Variants in PTPRK observed in about 807,000 individuals in gnomAD.
PTPRK encodes protein tyrosine phosphatase receptor type K, also known as receptor-type tyrosine-protein phosphatase kappa.
In PTPRK, 75 loss-of-function variants were observed where a neutral mutation model predicts 178.0. That is an observed-to-expected ratio of 0.42 (90% CI 0.35 to 0.51). The LOEUF (loss-of-function observed/expected upper bound fraction) is 0.51. PTPRK is among the 20% of genes least tolerant of loss of function. The pLI, the probability that PTPRK is intolerant of heterozygous loss-of-function variation, is 0.02. For synonymous variants in PTPRK, 637 were observed against 620.6 expected (o/e 1.03, Z -0.39); for missense variants, 1,441 against 1,797.8 (o/e 0.80, Z 3.59).
chr6:127,978,174 A>G (rs1774833338), intron 25 of PTPRK, among the ~76,000 whole-genome samples: 1 of 152,214 alleles, frequency 6.6e-6, no homozygotes, highest in South Asian at 2.1e-4. Flanking sequence ...ACCAAGTTAC[A>G]CGTGCAGCTG....
At chr6:128,481,948 G>T (rs1026102920) in intron 1 of PTPRK, among the ~76,000 whole-genome samples, 1 of 152,006 alleles carries the variant, frequency 6.6e-6, no homozygotes, top group Admixed American at 6.6e-5. Flanking sequence ...TTTGGCTACC[G>T]TACATTTTCT....
intron 7 of PTPRK, among the ~76,000 whole-genome samples, chr6:128,151,768 G>A (rs565229330): frequency 4.5e-4 from 69 of 152,138 alleles, no homozygotes; most frequent in Non-Finnish European, 8.5e-4. Flanking sequence ...TTTGAATGGA[G>A]TGATCAAGGA....
chr6:128,048,432 C>T (rs1778441297), intron 13 of PTPRK, among the ~76,000 whole-genome samples: 1 of 152,098 alleles, frequency 6.6e-6, no homozygotes, highest in South Asian at 2.1e-4. Context: ...GCATATGTTC[C>T]CTCTGCCTCT....
chr6:128,423,755 G>C (rs947673814), intron 1 of PTPRK, among the ~76,000 whole-genome samples: 2 of 152,068 alleles, frequency 1.3e-5, no homozygotes, highest in Non-Finnish European at 2.9e-5. Flanking sequence ...TTGAACATAG[G>C]AGGCAGAGGC....
At chr6:128,405,158 T>A (rs888889447) in intron 1 of PTPRK, among the ~76,000 whole-genome samples, 8 of 152,196 alleles carry the variant, frequency 5.3e-5, no homozygotes, top group Non-Finnish European at 8.8e-5. Context: ...TTAACTAAAA[T>A]TTCTACAAAT....
intron 7 of PTPRK, among the ~76,000 whole-genome samples, chr6:128,096,920 C>G (rs1582990358): frequency 6.6e-6 from 1 of 152,124 alleles, no homozygotes. Flanking sequence ...GGAAGGAAAA[C>G]TTAAGGTCTT....
At chr6:128,294,233 T>G in intron 3 of PTPRK, among the ~76,000 whole-genome samples, 1 of 152,128 alleles carries the variant, frequency 6.6e-6, no homozygotes, top group East Asian at 1.9e-4. Flanking sequence ...GTGCCTTCTA[T>G]GAGCAGATTA....
At chr6:128,355,188 A>C (rs1414167526) in intron 2 of PTPRK, among the ~76,000 whole-genome samples, 1 of 152,214 alleles carries the variant, frequency 6.6e-6, no homozygotes, top group Non-Finnish European at 1.5e-5. Flanking sequence ...TGTGAAGATG[A>C]AAGTTTTCTT....
At chr6:128,412,719 C>A (rs1344463583) in intron 1 of PTPRK, among the ~76,000 whole-genome samples, 1 of 152,228 alleles carries the variant, frequency 6.6e-6, no homozygotes, top group Non-Finnish European at 1.5e-5. Flanking sequence ...TAAGGAAAGG[C>A]AGATTTCATG....
intron 2 of PTPRK, among the ~76,000 whole-genome samples, chr6:128,363,794 G>C (rs1207598667): frequency 2.0e-5 from 3 of 152,060 alleles, no homozygotes; most frequent in Non-Finnish European, 4.4e-5. Flanking sequence ...AAAAAGGAAG[G>C]TCTTCCTTTG....
intron 13 of PTPRK, among the ~76,000 whole-genome samples, chr6:128,026,390 A>G (rs1228345990): frequency 6.6e-6 from 1 of 152,194 alleles, no homozygotes; most frequent in African/African-American, 2.4e-5. Flanking sequence ...CTACTTCCCA[A>G]TAGCCAAAGG....
intron 7 of PTPRK, among the ~76,000 whole-genome samples, chr6:128,111,591 T>TTTTTTCAACAA (rs1483105831): frequency 2.1e-4 from 32 of 151,674 alleles, no homozygotes; most frequent in Non-Finnish European, 3.1e-4. Flanking sequence ...TTATGCTTAC[T>TTTTTTCAACAA]TAAAATGTAC....
chr6:128,049,183 T>A (rs188679890), intron 13 of PTPRK, among the ~76,000 whole-genome samples: 4 of 152,160 alleles, frequency 2.6e-5, no homozygotes, highest in African/African-American at 7.2e-5. Context: ...AAATGTCAGG[T>A]TTTTTAAGAA....
Position 128,520,597 on chromosome 6 carries a change from A to G in PTPRK, c.-239T>C. 2.1e-6 allele frequency: 1 copy of G among 487,678 alleles called. No individual in the cohort carries two copies. The highest frequency in any genetic ancestry group is 3.4e-5 in the East Asian group (1 of 29,830). The allele number at this position is 487,678 out of a possible 1,614,324, so 30.2% of individuals were successfully genotyped here. On this transcript the variant is annotated 5_prime_UTR_variant, in exon 1 of 30. Transcript: ENST00000368226. ...ATGCTCGGCGGAGGCTGCTCCTGTT[A>G]GTCAAGAGTTACTTTGCTCGGGGAG...
chr6:128,254,353 G>T (rs567364701), intron 3 of PTPRK, among the ~76,000 whole-genome samples: 95 of 152,000 alleles, frequency 6.3e-4, no homozygotes, highest in African/African-American at 2.1e-3. Context: ...GCTAGTAAAA[G>T]CCCAGCTGAA....
intron 7 of PTPRK, among the ~76,000 whole-genome samples, chr6:128,144,203 C>T (rs138931754): frequency 0.014 from 2,174 of 152,268 alleles, 36 homozygotes; most frequent in Non-Finnish European, 0.024. Flanking sequence ...TAGTGAAGGA[C>T]AAGCCCCTTC....
At chr6:128,060,073 G>A (rs1277701259) in intron 13 of PTPRK, among the ~76,000 whole-genome samples, 4 of 152,048 alleles carry the variant, frequency 2.6e-5, no homozygotes, top group Admixed American at 1.3e-4. Flanking sequence ...CAGAGAGAGA[G>A]GTTCCGGGGT....
intron 1 of PTPRK, among the ~76,000 whole-genome samples, chr6:128,480,238 C>A (rs751745056): frequency 1.3e-5 from 2 of 152,266 alleles, no homozygotes; most frequent in Admixed American, 6.5e-5. Flanking sequence ...ATTCCCCTTT[C>A]GCGCTTGTTC....
At chr6:128,481,561 A>G (rs569210486) in intron 1 of PTPRK, among the ~76,000 whole-genome samples, 1 of 152,232 alleles carries the variant, frequency 6.6e-6, no homozygotes, top group South Asian at 2.1e-4. Flanking sequence ...GTAACATTGT[A>G]TTGCAGGGAT....
Sources: allele counts gnomAD v4.1 joint callset (sites outside exome capture counted in the v4.1 genomes callset), GRCh38; gene constraint gnomAD v4.1.1; transcripts MANE v1.5; gene names NCBI Gene and HGNC (gene_info 2026-07-23, HGNC 2026-07-21).